CABIN1: variants seen among roughly 807,000 people sequenced by gnomAD.
The protein encoded by CABIN1 is calcineurin-binding protein cabin-1.
Under a neutral mutation model 227.7 loss-of-function variants are expected in CABIN1, and 133 were observed. That is an observed-to-expected ratio of 0.58 (90% CI 0.51 to 0.67). CABIN1 has a LOEUF of 0.67. Among genes scored for constraint, CABIN1 ranks in the 30% least tolerant of loss-of-function variants. CABIN1 has a pLI of 0.00. For synonymous variants in CABIN1, 1,086 were observed against 1,155.1 expected (o/e 0.94, Z 1.21); for missense variants, 2,408 against 2,852.5 (o/e 0.84, Z 3.55).
At chr22:24,025,037 G>C (rs73399671) in intron 1 of CABIN1, among the ~76,000 whole-genome samples, 2,900 of 152,030 alleles carry the variant, frequency 0.019, 110 homozygotes, top group African/African-American at 0.065. Flanking sequence ...AGTTTCTCAG[G>C]GATGGTTTCT....
At chr22:24,080,196 C>T (rs2040716156) in intron 19 of CABIN1, among the ~76,000 whole-genome samples, 1 of 152,218 alleles carries the variant, frequency 6.6e-6, no homozygotes, top group South Asian at 2.1e-4. Flanking sequence ...AGTCTGTTCT[C>T]TGTGCTGACT....
intron 1 of CABIN1, among the ~76,000 whole-genome samples, chr22:24,023,256 CAT>C (rs2035853196): frequency 6.6e-6 from 1 of 152,166 alleles, no homozygotes; most frequent in South Asian, 2.1e-4. Flanking sequence ...AATACTATTT[CAT>C]TGTATTTGTA....
intron 29 of CABIN1, among the ~76,000 whole-genome samples, chr22:24,135,763 A>T (rs2044357221): frequency 6.6e-6 from 1 of 152,232 alleles, no homozygotes; most frequent in South Asian, 2.1e-4. Context: ...TGAAGGGCAG[A>T]GGTGGCCTGA....
chr22:24,092,649 T>G (rs1159695890), intron 24 of CABIN1, among the ~76,000 whole-genome samples: 1 of 151,810 alleles, frequency 6.6e-6, no homozygotes, highest in Admixed American at 6.6e-5. Context: ...TGCTGCTTGC[T>G]TTTTTCTGCC....
At chr22:24,095,338 C>A (rs1439691769) in intron 24 of CABIN1, among the ~76,000 whole-genome samples, 1 of 152,206 alleles carries the variant, frequency 6.6e-6, no homozygotes, top group Non-Finnish European at 1.5e-5. Flanking sequence ...AGCTCTTCAC[C>A]CATTTTAAAT....
At chr22:24,045,098 T>A (rs567558989) in intron 6 of CABIN1, among the ~76,000 whole-genome samples, 2 of 152,072 alleles carry the variant, frequency 1.3e-5, no homozygotes, top group South Asian at 4.1e-4. Flanking sequence ...TTTTTGTTTT[T>A]TATTTTTAGT....
At chr22:24,130,157 C>T (rs970991626) in intron 28 of CABIN1, among the ~76,000 whole-genome samples, 6 of 152,232 alleles carry the variant, frequency 3.9e-5, no homozygotes, top group African/African-American at 1.2e-4. Flanking sequence ...GGAAAATGTG[C>T]CGTTATCTGG....
chr22:24,101,984 T>C (rs1355831016), intron 26 of CABIN1, among the ~76,000 whole-genome samples: 1 of 152,174 alleles, frequency 6.6e-6, no homozygotes, highest in Non-Finnish European at 1.5e-5. Flanking sequence ...TCCATCTTCA[T>C]AACTGCCCTG....
chr22:24,127,943 T>G (rs1158497561), intron 28 of CABIN1, among the ~76,000 whole-genome samples: 1 of 152,144 alleles, frequency 6.6e-6, no homozygotes, highest in African/African-American at 2.4e-5. Context: ...TTCTCTGTTG[T>G]GGGGATGTTG....
intron 29 of CABIN1, among the ~76,000 whole-genome samples, chr22:24,146,497 GA>G (rs2045127862): frequency 6.6e-6 from 1 of 152,134 alleles, no homozygotes; most frequent in Non-Finnish European, 1.5e-5. Context: ...AGCAGGTGGA[GA>G]GGGGGTGCTT....
intron 33 of CABIN1, chr22:24,170,110 C>G (rs1209384684): frequency 6.6e-6 from 3 of 456,658 alleles, no homozygotes; most frequent in Non-Finnish European, 1.3e-5. Context: ...ACCCTCAGAC[C>G]TACCTGCCTG....
At chr22:24,026,230 TC>T (rs1239328069) in intron 1 of CABIN1, among the ~76,000 whole-genome samples, 1 of 152,178 alleles carries the variant, frequency 6.6e-6, no homozygotes, top group African/African-American at 2.4e-5. Context: ...TGTGTTGGCC[TC>T]CCAAAGTACT....
intron 1 of CABIN1, among the ~76,000 whole-genome samples, chr22:24,016,015 A>T (rs1352099037): frequency 6.6e-6 from 1 of 152,162 alleles, no homozygotes; most frequent in East Asian, 1.9e-4. Context: ...ATACCTTACA[A>T]TTGACCGATT....
intron 30 of CABIN1, 77 bp from the exon 31 acceptor site, chr22:24,165,453 C>T: frequency 1.6e-6 from 2 of 1,276,654 alleles, no homozygotes; most frequent in Non-Finnish European, 2.2e-6. Context: ...CAGGGATGGG[C>T]AGTGGCCACC....
At chr22:24,137,494 C>A (rs2044493333) in intron 29 of CABIN1, among the ~76,000 whole-genome samples, 1 of 152,216 alleles carries the variant, frequency 6.6e-6, no homozygotes, top group Non-Finnish European at 1.5e-5. Context: ...CAATGCCATC[C>A]CTGCACCTGG....
At chr22:24,073,706 G>A (rs923649052) in intron 18 of CABIN1, among the ~76,000 whole-genome samples, 1 of 152,176 alleles carries the variant, frequency 6.6e-6, no homozygotes, top group African/African-American at 2.4e-5. Flanking sequence ...GAGCCCTGAA[G>A]GAAGAGCAGG....
chr22:24,048,163 A>C (rs886874739), intron 6 of CABIN1, among the ~76,000 whole-genome samples: 1 of 152,190 alleles, frequency 6.6e-6, no homozygotes, highest in Non-Finnish European at 1.5e-5. Flanking sequence ...TAGCTTTAAT[A>C]ATAGGTTTTT....
In CABIN1 at chr22:24,155,767, G is replaced by T. The variant is rs2045749259; in HGVS notation, c.4747-8633G>T. The T allele has an allele frequency of 1.0e-5, 4 of 382,958 alleles. No homozygotes were observed. The South Asian group carries it at 3.1e-4, about 30-fold the overall frequency. 23.7% of individuals were successfully genotyped at this position (382,958 alleles called of 1,614,324 possible). ...CAGTTGGCCAATGCCATCCCGGCCTGCCGCACTCCTGGCCACCCCTACACC... is the reference window on the plus strand; with the variant it reads ...CAGTTGGCCAATGCCATCCCGGCCTTCCGCACTCCTGGCCACCCCTACACC... On this transcript the variant is annotated intron_variant, in intron 29 of 36. Coordinates refer to ENST00000263119, the MANE Select transcript of CABIN1 (RefSeq NM_012295.4).
At chr22:24,119,920 G>A (rs1387108038) in intron 28 of CABIN1, among the ~76,000 whole-genome samples, 1 of 152,226 alleles carries the variant, frequency 6.6e-6, no homozygotes, top group Non-Finnish European at 1.5e-5. Context: ...AATGGAGGGA[G>A]GAGTGTAGGG....
Sources: allele counts gnomAD v4.1 joint callset (sites outside exome capture counted in the v4.1 genomes callset), GRCh38; gene constraint gnomAD v4.1.1; transcripts MANE v1.5; gene names NCBI Gene and HGNC (gene_info 2026-07-23, HGNC 2026-07-21).